KCNQ5: variants seen among roughly 807,000 people sequenced by gnomAD.
The protein encoded by KCNQ5 is potassium voltage-gated channel subfamily Q member 5, also known as potassium voltage-gated channel subfamily KQT member 5.
Under a neutral mutation model 98.2 loss-of-function variants are expected in KCNQ5, and 30 were observed. That is an observed-to-expected ratio of 0.31 (90% CI 0.23 to 0.41). The LOEUF (loss-of-function observed/expected upper bound fraction) is 0.41. Ranked by LOEUF, KCNQ5 falls within the 10% of genes least tolerant of loss-of-function variation. The pLI, the probability that KCNQ5 is intolerant of heterozygous loss-of-function variation, is 1.00. For missense variants in KCNQ5, 835 were observed against 1,182.5 expected, an observed-to-expected ratio of 0.71 and a Z score of 4.31; for synonymous variants, 458 against 449.4, an observed-to-expected ratio of 1.02 and a Z score of -0.24.
chr6:72,860,388 C>T (rs2796005), intron 1 of KCNQ5, among the ~76,000 whole-genome samples: 39,939 of 151,858 alleles, frequency 0.26, 5,416 homozygotes, highest in South Asian at 0.31. Flanking sequence ...ATTTTAAAGC[C>T]CTAGAATACA....
chr6:72,840,357 A>G (rs1451406946), intron 1 of KCNQ5, among the ~76,000 whole-genome samples: 1 of 152,146 alleles, frequency 6.6e-6, no homozygotes, highest in Non-Finnish European at 1.5e-5. Flanking sequence ...TAATGCTTCT[A>G]TTGTGTCCTG....
chr6:72,661,175 G>A (rs2154472902), intron 1 of KCNQ5, among the ~76,000 whole-genome samples: 1 of 151,812 alleles, frequency 6.6e-6, no homozygotes, highest in Admixed American at 6.6e-5. Context: ...CCACTAATGT[G>A]TTATTTAATA....
At chr6:72,801,164 C>T (rs1471320278) in intron 1 of KCNQ5, among the ~76,000 whole-genome samples, 1 of 151,320 alleles carries the variant, frequency 6.6e-6, no homozygotes, top group Non-Finnish European at 1.5e-5. Flanking sequence ...GAGCTGAGTT[C>T]AATTCCTGGG....
At chr6:72,763,401 A>G (rs1013934909) in intron 1 of KCNQ5, among the ~76,000 whole-genome samples, 4 of 152,072 alleles carry the variant, frequency 2.6e-5, no homozygotes, top group Admixed American at 6.6e-5. Flanking sequence ...TTTCTCCCAC[A>G]CATAGACTCA....
At chr6:72,964,944 A>T (rs926857025) in intron 1 of KCNQ5, among the ~76,000 whole-genome samples, 40 of 44,150 alleles carry the variant, frequency 9.1e-4, no homozygotes, top group Non-Finnish European at 3.0e-3. Context: ...GCTTTTTTTA[A>T]AAAAAAATTC....
intron 11 of KCNQ5, among the ~76,000 whole-genome samples, chr6:73,178,366 T>C (rs1222810685): frequency 6.6e-6 from 1 of 151,060 alleles, no homozygotes; most frequent in Non-Finnish European, 1.5e-5. Context: ...GCTGGGAGGA[T>C]GGCTTGAGCC....
chr6:72,784,419 G>A (rs1056685970), intron 1 of KCNQ5, among the ~76,000 whole-genome samples: 2 of 152,084 alleles, frequency 1.3e-5, no homozygotes, highest in Non-Finnish European at 2.9e-5. Context: ...GCTGTGGAGG[G>A]GAGAAGACTT....
chr6:73,013,955 T>C (rs530033692), intron 2 of KCNQ5, among the ~76,000 whole-genome samples: 4 of 152,148 alleles, frequency 2.6e-5, no homozygotes, highest in Non-Finnish European at 4.4e-5. Context: ...GAATTCTAAA[T>C]TCTGTTTTGC....
chr6:73,124,558 C>T, intron 9 of KCNQ5, 46 bp downstream of exon 9: 1 of 1,561,350 alleles, frequency 6.4e-7, no homozygotes, highest in Non-Finnish European at 8.8e-7. Flanking sequence ...AAATCTGATA[C>T]CTACCAGGTG....
At chr6:72,657,755 C>T (rs899863818) in intron 1 of KCNQ5, among the ~76,000 whole-genome samples, 5 of 152,136 alleles carry the variant, frequency 3.3e-5, no homozygotes, top group Admixed American at 6.6e-5. Flanking sequence ...TTATATTTGT[C>T]GAACTTGTAT....
chr6:72,784,634 T>A (rs1024501316), intron 1 of KCNQ5, among the ~76,000 whole-genome samples: 1 of 152,192 alleles, frequency 6.6e-6, no homozygotes, highest in East Asian at 1.9e-4. Context: ...GTCATCCTCA[T>A]GTTCGTCCTC....
intron 10 of KCNQ5, among the ~76,000 whole-genome samples, chr6:73,159,195 A>C (rs1024770697): frequency 6.6e-6 from 1 of 152,248 alleles, no homozygotes; most frequent in Non-Finnish European, 1.5e-5. Context: ...TGTCCTTTGC[A>C]GGAACACAAA....
intron 1 of KCNQ5, among the ~76,000 whole-genome samples, chr6:72,852,354 A>C (rs2150143401): frequency 6.6e-6 from 1 of 152,020 alleles, no homozygotes; most frequent in East Asian, 1.9e-4. Flanking sequence ...ATATAGAATC[A>C]ACCTATGTGC....
chr6:73,006,102 T>C (rs1769800141), intron 2 of KCNQ5, among the ~76,000 whole-genome samples: 1 of 152,212 alleles, frequency 6.6e-6, no homozygotes, highest in African/African-American at 2.4e-5. Flanking sequence ...TAGTATATTA[T>C]AAAAGTTCAA....
rs1777435811 is a variant in KCNQ5 at position 73,157,972 on chromosome 6, C to CA, written c.1469-11773dup. 1.4e-5 allele frequency: 11 copies of CA among 762,898 alleles called. No homozygotes were observed. In the Admixed American group the frequency reaches 1.9e-4, roughly 13 times the overall value. 47.3% of individuals were successfully genotyped at this position (762,898 alleles called of 1,614,324 possible). On this transcript the variant is annotated intron_variant, in intron 10 of 13. Coordinates refer to ENST00000370398, the MANE Select transcript of KCNQ5 (RefSeq NM_019842.4). The stretch of plus-strand genomic sequence containing the variant: ...GCGGTGAGCTTGAGTAGGGACTCTT[C>CA]ATACCCCTTGAACGGCCGGAAGATC...
intron 11 of KCNQ5, among the ~76,000 whole-genome samples, chr6:73,178,019 A>G (rs557896378): frequency 3.9e-5 from 6 of 152,210 alleles, no homozygotes; most frequent in Non-Finnish European, 4.4e-5. Flanking sequence ...TGCTAAAAAT[A>G]TAGAATCTCC....
chr6:73,041,773 C>T (rs1771713661), intron 2 of KCNQ5, among the ~76,000 whole-genome samples, 163 bp from the exon 3 acceptor site: 1 of 152,122 alleles, frequency 6.6e-6, no homozygotes, highest in Non-Finnish European at 1.5e-5. Context: ...CAAATGCTGT[C>T]CAGATTTAGT....
intron 1 of KCNQ5, among the ~76,000 whole-genome samples, chr6:72,639,303 A>C (rs2154471933): frequency 6.6e-6 from 1 of 152,328 alleles, no homozygotes; most frequent in Non-Finnish European, 1.5e-5. Context: ...AAAGAAAAGA[A>C]GTGAAAATGT....
rs555815269 is a variant in KCNQ5, at chr6:73,185,865, C to A, written c.1578-4708C>A. Among the ~76,000 whole-genome samples the A allele has an allele frequency of 2.0e-3, 311 of 152,232 alleles. 1 individual carries two copies. The highest frequency in any genetic ancestry group is 7.3e-3 in the African/African-American group (305 of 41,548). ...CAGCTTTGAGAGCTATTAGGACATGCCTAGTCTTCTTTTAACGAAAGTATA... is the reference window on the plus strand; with the variant it reads ...CAGCTTTGAGAGCTATTAGGACATGACTAGTCTTCTTTTAACGAAAGTATA... On this transcript the variant is annotated intron_variant, in intron 11 of 13. Coordinates refer to ENST00000370398, the MANE Select transcript of KCNQ5 (RefSeq NM_019842.4).
Sources: gnomAD v4.1 joint callset for allele counts (sites outside exome capture counted in the v4.1 genomes callset) on GRCh38, gnomAD v4.1.1 for gene constraint, MANE v1.5 for transcripts, NCBI Gene and HGNC (gene_info 2026-07-23, HGNC 2026-07-21) for gene names.